CEP44: variants seen among roughly 807,000 people sequenced by gnomAD.
CEP44 encodes centrosomal protein 44, also known as centrosomal protein of 44 kDa.
In CEP44, 45 loss-of-function variants were observed where a neutral mutation model predicts 46.7. That is an observed-to-expected ratio of 0.96 (90% CI 0.76 to 1.24). The LOEUF (loss-of-function observed/expected upper bound fraction) is 1.24. CEP44 is among the 50% of genes most tolerant of loss of function. The pLI is 0.00. For synonymous variants in CEP44, 142 were observed against 146.0 expected (o/e 0.97, Z 0.20); for missense variants, 475 against 459.7 (o/e 1.03, Z -0.30).
chr4:174,325,484 T>G lies in CEP44; in HGVS notation c.1087-5998T>G, dbSNP rs1400359789. Among the ~76,000 whole-genome samples, 1 of 151,956 alleles carries G rather than the reference T, an allele frequency of 6.6e-6. No homozygotes were observed. Among genetic ancestry groups the G allele is most frequent in the Non-Finnish European group, 1.5e-5 (1 of 67,990 alleles). ...GCCTGGTCAATATAGCCAGATCCTG[T>G]CTCTACAAAAATTTTTTTAAATTAG... On this transcript the variant is annotated intron_variant, in intron 8 of 8. Transcript: ENST00000426172. The surrounding 1 kb of genome is among the most constrained non-coding windows in gnomAD (Gnocchi z 4.4).
rs757554027 is a variant in CEP44 at position 174,308,833 on chromosome 4, G to T, written c.652G>T (p.Val218Phe). 1.9e-6 allele frequency: 3 copies of T among 1,612,998 alleles called. No individual in the cohort carries two copies. Among genetic ancestry groups the T allele is most frequent in the Non-Finnish European group, 1.7e-6 (2 of 1,179,320 alleles). Residue 218 changes from valine to phenylalanine, a missense_variant, in exon 7 of 12, where the codon GTT (valine) becomes TTT (phenylalanine). Val to Phe is a conservative substitution (Grantham distance 50). Transcript: ENST00000503780. ...ATEIKMPEVK[V>F]PEIKAEQQDV... is the part of the protein sequence containing the mutation. Reference sequence around the variant, plus strand: ...TGAAATAAAGATGCCTGAAGTAAAGGTTCCTGAAATCAAGGCTGAGCAACA... The same window carrying T: ...TGAAATAAAGATGCCTGAAGTAAAGTTTCCTGAAATCAAGGCTGAGCAACA...
At chr4:174,285,764 AC>A (rs1477245256) in intron 1 of CEP44, among the ~76,000 whole-genome samples, 1 of 152,200 alleles carries the variant, frequency 6.6e-6, no homozygotes, top group East Asian at 1.9e-4. Flanking sequence ...GCTCAGACCT[AC>A]TATATTGGCC....
intron 4 of CEP44, among the ~76,000 whole-genome samples, chr4:174,302,859 C>T (rs959659340): frequency 1.3e-5 from 2 of 151,438 alleles, no homozygotes; most frequent in African/African-American, 4.9e-5. Context: ...AGGCTCACTG[C>T]AGTCTCCGCC....
At chr4:174,315,119 A>G (rs769309378) in intron 9 of CEP44, among the ~76,000 whole-genome samples, 92 of 152,250 alleles carry the variant, frequency 6.0e-4, no homozygotes, top group Non-Finnish European at 1.3e-3. Flanking sequence ...GATAAAAATT[A>G]GTCTTCTAGT....
chr4:174,319,663 C>T lies in CEP44; in HGVS notation c.*2280C>T. The T allele has an allele frequency of 1.4e-6, 1 of 696,364 alleles. No homozygotes were observed. Among genetic ancestry groups the T allele is most frequent in the Non-Finnish European group, 1.8e-6 (1 of 565,968 alleles). The allele number at this position is 696,364 out of a possible 1,614,324, so 43.1% of individuals were successfully genotyped here. Reference sequence around the variant, plus strand: ...ATATAAAATATTTCATATATGTTATCAGGTGGAAATTTAGAATCCAAATTT... The same window carrying T: ...ATATAAAATATTTCATATATGTTATTAGGTGGAAATTTAGAATCCAAATTT... On this transcript the variant is annotated 3_prime_UTR_variant, in exon 12 of 12. Transcript: ENST00000503780.
rs753354502 is a variant in CEP44, at chr4:174,316,149, A to G, written c.962-17A>G. The G allele has an allele frequency of 1.2e-6, 2 of 1,608,238 alleles. No homozygotes were observed. The highest frequency in any genetic ancestry group is 1.3e-5 in the African/African-American group (1 of 74,498). The stretch of plus-strand genomic sequence containing the variant: ...CTGTGAAAGGAAAAGGTAATCTAAA[A>G]CTTAATTTCTTCACAGACAGAAAAA... On this transcript the variant is annotated splice_polypyrimidine_tract_variant and intron_variant, in intron 9 of 11. Coordinates refer to ENST00000503780, the MANE Select transcript of CEP44 (RefSeq NM_001040157.3).
chr4:174,315,380 G>C (rs1237604976), intron 9 of CEP44, among the ~76,000 whole-genome samples: 1 of 151,754 alleles, frequency 6.6e-6, no homozygotes, highest in South Asian at 2.1e-4. Context: ...AATATTATCA[G>C]GATATTTGAA....
At chr4:174,321,981 TTAAG>T (rs1465584361), downstream of CEP44, among the ~76,000 whole-genome samples, 2 of 152,130 alleles carry the variant, frequency 1.3e-5, no homozygotes, top group Admixed American at 6.6e-5. Context: ...CATCTTCTGT[TTAAG>T]TAAGCTTTGA....
chr4:174,299,216 C>T lies in CEP44; in HGVS notation c.89+6C>T, dbSNP rs748712246. On this transcript the variant is annotated splice_donor_region_variant and intron_variant, in intron 3 of 11. Coordinates refer to ENST00000503780, the MANE Select transcript of CEP44 (RefSeq NM_001040157.3). Reference sequence around the variant, plus strand: ...GAAGAGGTGGACTGTGTAGGGTAAGCTATAATATCAAACTTAATTGTATTC... The same window carrying T: ...GAAGAGGTGGACTGTGTAGGGTAAGTTATAATATCAAACTTAATTGTATTC... The T allele has an allele frequency of 6.9e-6, 11 of 1,593,206 alleles. No individual in the cohort carries two copies. Among genetic ancestry groups the T allele is most frequent in the Middle Eastern group, 1.7e-4 (1 of 5,980 alleles).
Position 174,290,077 on chromosome 4 carries a change from ATCTCTT to A in CEP44, c.-148+6135_-148+6140del, listed in dbSNP as rs1469720938. 6.6e-6 allele frequency among the ~76,000 whole-genome samples: 1 copy of A among 151,874 alleles called. No individual in the cohort carries two copies. Among genetic ancestry groups the A allele is most frequent in the Non-Finnish European group, 1.5e-5 (1 of 67,950 alleles). On this transcript the variant is annotated intron_variant, in intron 1 of 11. Transcript: ENST00000503780. This position sits in a 1 kb window ranked among gnomAD's most constrained non-coding sequence, Gnocchi z 4.3. ...CACCATGTTAGCCAGGATGGTCTCAATCTCTTGACCTAGTGACCCGCCTGCCTCAGC... is the reference window on the plus strand; with the variant it reads ...CACCATGTTAGCCAGGATGGTCTCAAGACCTAGTGACCCGCCTGCCTCAGC...
At position 174,288,840 on chromosome 4, in the gene CEP44, G is replaced by A. The variant is rs187445734; in HGVS notation, c.-148+4897G>A. Among the ~76,000 whole-genome samples the A allele has an allele frequency of 1.3e-5, 2 of 152,256 alleles. No homozygotes were observed. Among genetic ancestry groups the A allele is most frequent in the African/African-American group, 2.4e-5 (1 of 41,570 alleles). On this transcript the variant is annotated intron_variant, in intron 1 of 11. Coordinates refer to ENST00000503780, the MANE Select transcript of CEP44 (RefSeq NM_001040157.3). The surrounding 1 kb of genome is among the most constrained non-coding windows in gnomAD (Gnocchi z 4.6). ...CCTTGTTCCTCATCTTATGGGGAAA[G>A]CTTTCAGTTTTTTATCTTTAAGTAT... is the stretch of plus-strand genomic sequence containing the variant.
At chr4:174,330,922 G>A (rs1731287976) in intron 8 of CEP44, among the ~76,000 whole-genome samples, 1 of 151,904 alleles carries the variant, frequency 6.6e-6, no homozygotes, top group South Asian at 2.1e-4. Flanking sequence ...ATATTTTGCT[G>A]GTTTATAAAG....
At chr4:174,323,651 G>A (rs1324398742), downstream of CEP44, among the ~76,000 whole-genome samples, 1 of 152,136 alleles carries the variant, frequency 6.6e-6, no homozygotes, top group East Asian at 1.9e-4. Context: ...AAGTTAATTG[G>A]TGGTAAGGAA....
rs201923363 is a variant in CEP44, at chr4:174,299,072, G to A, written c.-50G>A. On this transcript the variant is annotated splice_region_variant and 5_prime_UTR_variant, in exon 3 of 12. In the 5' UTR this introduces an upstream ATG that the reference lacks. Transcript: ENST00000503780. ...GTATTTCATGGATTTCTATTTTCAG[G>A]TGAAAAATTAGACGATTTCAAGAAT... is the stretch of plus-strand genomic sequence containing the variant. 451 of 1,495,680 alleles carry A rather than the reference G, an allele frequency of 3.0e-4. No homozygotes were observed. The highest frequency in any genetic ancestry group is 2.2e-3 in the African/African-American group (158 of 71,862). The allele number at this position is 1,495,680 out of a possible 1,614,324, so 92.7% of individuals were successfully genotyped here. A position where few individuals can be genotyped will look rare whatever the true frequency, so the allele number is the denominator to read the frequency against.
downstream of CEP44, among the ~76,000 whole-genome samples, chr4:174,325,068 A>T (rs941427186): frequency 3.3e-5 from 5 of 152,308 alleles, no homozygotes; most frequent in Middle Eastern, 3.4e-3. The surrounding 1 kb of genome is among the most constrained non-coding windows in gnomAD (Gnocchi z 4.4). Context: ...TGATTAAAAC[A>T]GTGTGTAATG....
Position 174,331,411 on chromosome 4 carries a change from A to T in CEP44, c.1087-71A>T. The T allele has an allele frequency of 4.6e-6, 7 of 1,506,156 alleles. No homozygotes were observed. In the South Asian group the frequency reaches 8.8e-5, roughly 19 times the overall value. The allele number at this position is 1,506,156 out of a possible 1,614,324, so 93.3% of individuals were successfully genotyped here. A position where few individuals can be genotyped will look rare whatever the true frequency, so the allele number is the denominator to read the frequency against. On this transcript the variant is annotated intron_variant, in intron 8 of 8. Coordinates refer to the CEP44 transcript ENST00000426172. This position sits in a 1 kb window ranked among gnomAD's most constrained non-coding sequence, Gnocchi z 4.5. ...TTAATAGCACTCTGACACTGCTCTA[A>T]TTCCTATCTACCCATTCTGCCAATG...
chr4:174,324,242 TTA>T (rs1448258874), downstream of CEP44, among the ~76,000 whole-genome samples: 1 of 152,148 alleles, frequency 6.6e-6, no homozygotes, highest in Admixed American at 6.6e-5. Flanking sequence ...GTTCATTCCT[TTA>T]TATGGCCAAT....
At position 174,329,667 on chromosome 4, in the gene CEP44, CT is replaced by C. The variant is rs149715347; in HGVS notation, c.1087-1805del. On this transcript the variant is annotated intron_variant, in intron 8 of 8. Coordinates refer to the CEP44 transcript ENST00000426172. The surrounding 1 kb of genome is among the most constrained non-coding windows in gnomAD (Gnocchi z 4.0). ...GAAAAGTTCAAAAGGTACTTCATAA[CT>C]TTTTTTTTTAGGTTTAGAGAAAGGA... is the stretch of plus-strand genomic sequence containing the variant. Among the ~76,000 whole-genome samples, 22 of 149,916 alleles carry C rather than the reference CT, an allele frequency of 1.5e-4. No individual in the cohort carries two copies. Among genetic ancestry groups the C allele is most frequent in the African/African-American group, 3.9e-4 (16 of 40,828 alleles).
chr4:174,302,757 A>G (rs1189499698), intron 4 of CEP44, among the ~76,000 whole-genome samples: 4 of 151,898 alleles, frequency 2.6e-5, no homozygotes, highest in Non-Finnish European at 5.9e-5. Flanking sequence ...TTTTAATGGT[A>G]AAAACCCACT....
Sources: allele counts gnomAD v4.1 joint callset (sites outside exome capture counted in the v4.1 genomes callset), GRCh38; gene constraint gnomAD v4.1.1; non-coding constraint Gnocchi (gnomAD v3.1); transcripts MANE v1.5; gene names NCBI Gene and HGNC (gene_info 2026-07-23, HGNC 2026-07-21).